The following VDAC1 variants were observed in gnomAD, a reference collection of about 807,000 sequenced individuals.
VDAC1 encodes the protein voltage dependent anion channel 1, also known as non-selective voltage-gated ion channel VDAC1.
Under a neutral mutation model 34.7 loss-of-function variants are expected in VDAC1, and 10 were observed. The ratio of observed to expected loss-of-function variants is 0.29; its 90% CI spans 0.18 to 0.49. The LOEUF (loss-of-function observed/expected upper bound fraction) is 0.49. VDAC1 is among the 20% of genes least tolerant of loss of function. The pLI, the probability that VDAC1 is intolerant of heterozygous loss-of-function variation, is 0.99. For synonymous variants in VDAC1, 130 were observed against 136.0 expected, an observed-to-expected ratio of 0.96 and a Z score of 0.30; for missense variants, 230 against 347.9, an observed-to-expected ratio of 0.66 and a Z score of 2.69.
At position 133,996,513 on chromosome 5, in the gene VDAC1, A is replaced by C. The variant is rs1043175690; in HGVS notation, c.-6-3495T>G. Among the ~76,000 whole-genome samples, 11 of 152,226 alleles carry C rather than the reference A, an allele frequency of 7.2e-5. No individual in the cohort carries two copies. In the South Asian group the frequency reaches 2.3e-3, roughly 32 times the overall value. ...TGGGGGTACACATCCTTCTTGGCTCATCAGCTGAATGGCAATGACAGCTGC... is the reference window on the plus strand; with the variant it reads ...TGGGGGTACACATCCTTCTTGGCTCCTCAGCTGAATGGCAATGACAGCTGC... On this transcript the variant is annotated intron_variant, in intron 1 of 8. Transcript: ENST00000265333.
chr5:134,077,777 T>A, the VDAC1 span, among the ~76,000 whole-genome samples: 24 of 151,872 alleles, frequency 1.6e-4, no homozygotes, highest in Non-Finnish European at 3.2e-4. Context: ...TCTCTAGGAG[T>A]CCAATAATAT....
intron 8 of VDAC1, among the ~76,000 whole-genome samples, 167 bp downstream of exon 8, chr5:133,973,621 TATA>T (rs1319358780): frequency 3.3e-5 from 5 of 152,248 alleles, no homozygotes; most frequent in Admixed American, 2.6e-4. Flanking sequence ...CCAAATGTTT[TATA>T]ATGACCCCAT....
the VDAC1 span, among the ~76,000 whole-genome samples, chr5:134,085,394 G>C: frequency 6.6e-6 from 1 of 151,936 alleles, no homozygotes; most frequent in East Asian, 1.9e-4. Context: ...AAGAAACCTG[G>C]GAAGCCACTG....
At position 133,975,882 on chromosome 5, in the gene VDAC1, C is replaced by A. The variant is rs771483483; in HGVS notation, c.691G>T (p.Ala231Ser). Residue 231 changes from alanine to serine, a missense_variant, in exon 7 of 9, where the codon GCC (alanine) becomes TCC (serine). Physicochemically the swap from Ala to Ser is moderately conservative, Grantham distance 99 (BLOSUM62 1). Coordinates refer to ENST00000265333, the MANE Select transcript of VDAC1 (RefSeq NM_003374.3). ...CCACAGATACCCACCGAGAAGCAGG[C>A]GTCAGGGTCAATCTGATACTTGGCT... ...IAAKYQIDPD[A>S]CFSAKVNNSS... 6.2e-7 allele frequency: 1 copy of A among 1,611,876 alleles called. No homozygotes were observed. Among genetic ancestry groups the A allele is most frequent in the Non-Finnish European group, 8.5e-7 (1 of 1,179,788 alleles).
chr5:134,077,888 G>A, the VDAC1 span, among the ~76,000 whole-genome samples: 3 of 152,216 alleles, frequency 2.0e-5, no homozygotes, highest in South Asian at 4.1e-4. Context: ...GATATGAAAG[G>A]TATTCCATGT....
chr5:134,009,459 A>G (rs185644929), upstream of VDAC1, among the ~76,000 whole-genome samples: 1 of 151,632 alleles, frequency 6.6e-6, no homozygotes, highest in African/African-American at 2.4e-5. Flanking sequence ...GGGTTTCACC[A>G]TGTTGGCCAG....
chr5:134,018,300 A>G, the VDAC1 span, among the ~76,000 whole-genome samples: 2 of 152,198 alleles, frequency 1.3e-5, no homozygotes, highest in African/African-American at 4.8e-5. Context: ...CAGCTCTAGC[A>G]TGAACTAACA....
the VDAC1 span, among the ~76,000 whole-genome samples, chr5:134,073,650 G>C: frequency 1.3e-5 from 2 of 152,212 alleles, no homozygotes; most frequent in African/African-American, 4.8e-5. Context: ...ATGTTCATCA[G>C]AGAGAGGATG....
chr5:134,113,031 C>T, the VDAC1 span, among the ~76,000 whole-genome samples: 1 of 152,200 alleles, frequency 6.6e-6, no homozygotes, highest in East Asian at 1.9e-4. Flanking sequence ...TCACCCTATG[C>T]CAGACCCTAC....
chr5:134,057,150 C>G, the VDAC1 span, among the ~76,000 whole-genome samples: 353 of 152,138 alleles, frequency 2.3e-3, 1 homozygote, highest in African/African-American at 8.0e-3. Flanking sequence ...GCCTGACCAA[C>G]ATGGTAAAAC....
the VDAC1 span, among the ~76,000 whole-genome samples, chr5:134,032,996 C>T: frequency 6.6e-6 from 1 of 150,654 alleles, no homozygotes; most frequent in Non-Finnish European, 1.5e-5. Context: ...GCACTCCAGC[C>T]TGGGGGCAGA....
At chr5:134,088,058 G>A in the VDAC1 span, among the ~76,000 whole-genome samples, 1 of 151,788 alleles carries the variant, frequency 6.6e-6, no homozygotes, top group Non-Finnish European at 1.5e-5. Flanking sequence ...AGGAGGCTGA[G>A]GCAGGAGAAT....
At chr5:134,040,334 T>G in the VDAC1 span, among the ~76,000 whole-genome samples, 1 of 152,014 alleles carries the variant, frequency 6.6e-6, no homozygotes, top group Admixed American at 6.5e-5. Context: ...CCCAGCACTT[T>G]GGGAAGCCGA....
At chr5:134,016,200 G>A in the VDAC1 span, among the ~76,000 whole-genome samples, 50 of 152,202 alleles carry the variant, frequency 3.3e-4, no homozygotes, top group African/African-American at 1.1e-3. Flanking sequence ...ATTGCAATTT[G>A]GGGTAAGTGC....
At chr5:133,973,391 C>T (rs1263331763) in intron 8 of VDAC1, among the ~76,000 whole-genome samples, 5 of 152,182 alleles carry the variant, frequency 3.3e-5, no homozygotes, top group African/African-American at 9.7e-5. Flanking sequence ...TATAATACGC[C>T]GTGGACTGGC....
the VDAC1 span, among the ~76,000 whole-genome samples, chr5:134,108,973 C>T: frequency 2.0e-5 from 3 of 152,188 alleles, no homozygotes; most frequent in Admixed American, 6.5e-5. Context: ...TGTTGTGTGC[C>T]ATGACATGCA....
chr5:133,984,297 G>A (rs1374579013), intron 5 of VDAC1, among the ~76,000 whole-genome samples: 1 of 152,016 alleles, frequency 6.6e-6, no homozygotes, highest in Non-Finnish European at 1.5e-5. Context: ...CTGGGCTCAA[G>A]CAATCTGCCT....
intron 5 of VDAC1, among the ~76,000 whole-genome samples, chr5:133,983,581 C>T (rs1355177774): frequency 6.6e-6 from 1 of 152,042 alleles, no homozygotes; most frequent in Non-Finnish European, 1.5e-5. Context: ...ATTCCAAATT[C>T]TCAATGAGAC....
the VDAC1 span, among the ~76,000 whole-genome samples, chr5:134,029,086 G>A: frequency 6.6e-6 from 1 of 152,172 alleles, no homozygotes; most frequent in Non-Finnish European, 1.5e-5. Context: ...CACACTGAAA[G>A]TCCCACATCC....
Sources: allele counts gnomAD v4.1 joint callset (sites outside exome capture counted in the v4.1 genomes callset), GRCh38; gene constraint gnomAD v4.1.1; transcripts MANE v1.5; gene names NCBI Gene and HGNC (gene_info 2026-07-23, HGNC 2026-07-21).